Variants in MBD5 observed in about 807,000 individuals in gnomAD.
MBD5 encodes the protein methyl-CpG-binding domain protein 5.
Under a neutral mutation model 117.3 loss-of-function variants are expected in MBD5, and 13 were observed. The observed-to-expected ratio is 0.11, with a 90% CI of 0.07 to 0.18. The LOEUF (loss-of-function observed/expected upper bound fraction) is 0.18. Ranked by LOEUF, MBD5 falls within the 10% of genes least tolerant of loss-of-function variation. The probability of loss-of-function intolerance (pLI) is 1.00; values close to 1 mark genes in which losing one functional copy is unlikely to be tolerated. For synonymous variants in MBD5, 727 were observed against 766.4 expected (o/e 0.95, Z 0.85); for missense variants, 1,879 against 2,093.8 (o/e 0.90, Z 2.00).
At chr2:148,271,158 C>G (rs965818180) in intron 3 of MBD5, among the ~76,000 whole-genome samples, 5 of 152,022 alleles carry the variant, frequency 3.3e-5, no homozygotes, top group African/African-American at 9.7e-5. Flanking sequence ...TTTTTAGGCT[C>G]TAGGTAATTT....
intron 3 of MBD5, among the ~76,000 whole-genome samples, chr2:148,319,959 A>C (rs61304079): frequency 1.3e-5 from 2 of 152,006 alleles, no homozygotes; most frequent in African/African-American, 2.4e-5. Flanking sequence ...GATTTTTATC[A>C]TGAAGGGATG....
At chr2:148,122,916 C>T (rs1040311026) in intron 1 of MBD5, among the ~76,000 whole-genome samples, 1 of 152,096 alleles carries the variant, frequency 6.6e-6, no homozygotes, top group African/African-American at 2.4e-5. Context: ...CTGTAAGGGA[C>T]ATAGGATAGT....
At chr2:148,341,384 A>T (rs1345486941) in intron 3 of MBD5, among the ~76,000 whole-genome samples, 1 of 151,740 alleles carries the variant, frequency 6.6e-6, no homozygotes, top group Non-Finnish European at 1.5e-5. Flanking sequence ...CATTAGAATT[A>T]GGCCGACCCA....
At chr2:148,036,318 G>T (rs1363366684) in intron 1 of MBD5, among the ~76,000 whole-genome samples, 1 of 152,094 alleles carries the variant, frequency 6.6e-6, no homozygotes, top group Non-Finnish European at 1.5e-5. Flanking sequence ...TCCTTATTGA[G>T]AATTCAAACA....
chr2:148,131,705 CA>C (rs1438030726), intron 1 of MBD5, among the ~76,000 whole-genome samples: 1 of 151,982 alleles, frequency 6.6e-6, no homozygotes, highest in Non-Finnish European at 1.5e-5. Context: ...CTAAAACAGA[CA>C]AAAAGCTATA....
chr2:148,092,938 G>C (rs1482788476), intron 1 of MBD5, among the ~76,000 whole-genome samples: 1 of 147,654 alleles, frequency 6.8e-6, no homozygotes, highest in Non-Finnish European at 1.5e-5. Context: ...TTTTTTTTTT[G>C]ACGGAGTATC....
At chr2:148,156,209 C>G (rs551798519) in intron 1 of MBD5, among the ~76,000 whole-genome samples, 1 of 152,326 alleles carries the variant, frequency 6.6e-6, no homozygotes, top group African/African-American at 2.4e-5. Context: ...AGAATTAAAA[C>G]CGACCAATGA....
chr2:148,161,192 A>G (rs1409304194), intron 1 of MBD5, among the ~76,000 whole-genome samples: 1 of 152,186 alleles, frequency 6.6e-6, no homozygotes, highest in African/African-American at 2.4e-5. Context: ...GCAATATGTG[A>G]CCACAAACAC....
chr2:148,186,270 G>T, intron 2 of MBD5, among the ~76,000 whole-genome samples: 1 of 152,210 alleles, frequency 6.6e-6, no homozygotes. Flanking sequence ...AAAAACAGGA[G>T]TTTCCCAGCT....
intron 4 of MBD5, among the ~76,000 whole-genome samples, chr2:148,362,264 C>T (rs565744876): frequency 3.3e-5 from 5 of 152,272 alleles, no homozygotes; most frequent in Middle Eastern, 3.4e-3. Flanking sequence ...AGCACAGCAG[C>T]CTGAAGTGAA....
chr2:148,305,011 G>T lies in MBD5; in HGVS notation c.-679-37203G>T, dbSNP rs182469588. On this transcript the variant is annotated intron_variant, in intron 3 of 13. Transcript: ENST00000642680. ...ACCCGGGAGGCGGAGCTTGCAGTGA[G>T]CCGAGATCCCGCCACTGCACTCCAG... Among the ~76,000 whole-genome samples the T allele has an allele frequency of 7.9e-4, 120 of 151,332 alleles. 3 individuals are homozygous for T. The highest frequency in any genetic ancestry group is 2.7e-3 in the African/African-American group (113 of 41,258).
At chr2:148,205,403 G>T (rs1046840087) in intron 2 of MBD5, among the ~76,000 whole-genome samples, 1 of 151,912 alleles carries the variant, frequency 6.6e-6, no homozygotes, top group African/African-American at 2.4e-5. Flanking sequence ...ATACTTGGAA[G>T]TCAAAGAATA....
At chr2:148,360,264 G>C (rs1398334043) in intron 4 of MBD5, among the ~76,000 whole-genome samples, 1 of 152,010 alleles carries the variant, frequency 6.6e-6, no homozygotes, top group East Asian at 1.9e-4. Flanking sequence ...TGTAGTTTCT[G>C]ATTACCTCTA....
chr2:148,478,964 A>G (rs952337385), intron 8 of MBD5, among the ~76,000 whole-genome samples: 5 of 152,230 alleles, frequency 3.3e-5, no homozygotes, highest in Non-Finnish European at 5.9e-5. Flanking sequence ...ACAAAAAAAC[A>G]GCTTTAACAA....
At chr2:148,380,103 T>C (rs73965368) in intron 4 of MBD5, among the ~76,000 whole-genome samples, 2,202 of 152,250 alleles carry the variant, frequency 0.014, 59 homozygotes, top group African/African-American at 0.05. Context: ...GGCATCAATT[T>C]TAATGCAACA....
intron 1 of MBD5, among the ~76,000 whole-genome samples, chr2:148,151,684 T>A (rs958469526): frequency 6.6e-6 from 1 of 152,088 alleles, no homozygotes; most frequent in Non-Finnish European, 1.5e-5. Context: ...GTGTATGTGT[T>A]GAGGAATTTA....
At chr2:148,330,938 G>T (rs1359669240) in intron 3 of MBD5, among the ~76,000 whole-genome samples, 2 of 152,104 alleles carry the variant, frequency 1.3e-5, no homozygotes, top group African/African-American at 2.4e-5. Context: ...AGCAAAAAGA[G>T]GTTTAATATC....
chr2:148,471,594 G>C (rs553604832), intron 8 of MBD5: 5 of 152,194 alleles, frequency 3.3e-5, no homozygotes, highest in South Asian at 2.1e-4. Context: ...GTTGCTGATA[G>C]TAAAAGCGTT....
intron 3 of MBD5, among the ~76,000 whole-genome samples, chr2:148,307,876 G>C (rs1701931562): frequency 6.9e-6 from 1 of 144,516 alleles, no homozygotes; most frequent in Non-Finnish European, 1.5e-5. Context: ...CCACTTGTAA[G>C]TGAGAACATG....
Sources: gnomAD v4.1 joint callset for allele counts (sites outside exome capture counted in the v4.1 genomes callset) on GRCh38, gnomAD v4.1.1 for gene constraint, MANE v1.5 for transcripts, NCBI Gene and HGNC (gene_info 2026-07-23, HGNC 2026-07-21) for gene names.